Variants in CECR2 observed in about 807,000 individuals in gnomAD.
CECR2 encodes the protein chromatin remodeling regulator CECR2.
CECR2 carries 30 observed loss-of-function variants against 154.5 expected under a neutral mutation model. The observed-to-expected ratio is 0.19, with a 90% confidence interval of 0.15 to 0.26. CECR2 has a LOEUF of 0.26. Among genes scored for constraint, CECR2 ranks in the 10% least tolerant of loss-of-function variants. CECR2 has a pLI of 1.00. For missense variants in CECR2, 1,743 were observed against 1,829.3 expected (o/e 0.95, Z 0.86); for synonymous variants, 725 against 683.7 (o/e 1.06, Z -0.94).
At chr22:17,506,556 A>G (rs891060724) in intron 7 of CECR2, among the ~76,000 whole-genome samples, 8 of 152,106 alleles carry the variant, frequency 5.3e-5, no homozygotes, top group African/African-American at 1.4e-4. Flanking sequence ...TGCTTATTTT[A>G]TATCTTTGTG....
At chr22:17,511,130 T>C (rs1413431516) in intron 7 of CECR2, among the ~76,000 whole-genome samples, 1 of 152,238 alleles carries the variant, frequency 6.6e-6, no homozygotes, top group African/African-American at 2.4e-5. Context: ...TGTTACCTTT[T>C]AGTAGTAGGT....
At chr22:17,401,168 A>G (rs940637217) in intron 1 of CECR2, among the ~76,000 whole-genome samples, 1 of 152,064 alleles carries the variant, frequency 6.6e-6, no homozygotes, top group Admixed American at 6.6e-5. Flanking sequence ...AGAGTGTTCC[A>G]GAGGTGAGGA....
intron 8 of CECR2, among the ~76,000 whole-genome samples, chr22:17,512,846 G>A (rs2055984193): frequency 6.6e-6 from 1 of 152,098 alleles, no homozygotes; most frequent in African/African-American, 2.4e-5. Flanking sequence ...GCTGATCTGT[G>A]GGGAGATGAA....
At chr22:17,468,806 C>G (rs2055074436) in intron 1 of CECR2, among the ~76,000 whole-genome samples, 2 of 152,144 alleles carry the variant, frequency 1.3e-5, no homozygotes, top group Non-Finnish European at 2.9e-5. Context: ...ATATCACAGA[C>G]TGAGTAATTT....
At position 17,553,650 on chromosome 22, in the gene CECR2, A is replaced by G. The variant is rs1040135477; in HGVS notation, c.*810A>G. Reference sequence around the variant, plus strand: ...CTCTCAGGAGACTACTAGAAGCTTCAGCCCGGAAGACAGGCTGCTCTCTCA... The same window carrying G: ...CTCTCAGGAGACTACTAGAAGCTTCGGCCCGGAAGACAGGCTGCTCTCTCA... On this transcript the variant is annotated 3_prime_UTR_variant, in exon 19 of 19. Transcript: ENST00000262608. The G allele has an allele frequency of 6.6e-6, 1 of 152,246 alleles. No individual in the cohort carries two copies. The highest frequency in any genetic ancestry group is 1.5e-5 in the Non-Finnish European group (1 of 68,048). 9.4% of individuals were successfully genotyped at this position (152,246 alleles called of 1,614,324 possible).
At chr22:17,427,566 C>T (rs568874577) in intron 1 of CECR2, among the ~76,000 whole-genome samples, 16 of 152,130 alleles carry the variant, frequency 1.1e-4, no homozygotes, top group African/African-American at 3.1e-4. Flanking sequence ...GGAGTGAAGC[C>T]GCAGACCCTT....
At chr22:17,511,008 C>T (rs894723331) in intron 7 of CECR2, among the ~76,000 whole-genome samples, 1 of 152,166 alleles carries the variant, frequency 6.6e-6, no homozygotes, top group African/African-American at 2.4e-5. Context: ...CATTTTCTAT[C>T]CTATAATTCC....
In CECR2 at chr22:17,551,967, C is replaced by T. The variant is rs985862546; in HGVS notation, c.4278-64C>T. ...GGCAGTACCCTCGTGACTACAGTGT[C>T]TTGTTTCTTCTGTCGTTAACACGTC... is the stretch of plus-strand genomic sequence containing the variant. On this transcript the variant is annotated intron_variant, in intron 17 of 18. Coordinates refer to ENST00000262608, the MANE Select transcript of CECR2 (RefSeq NM_001290047.2). 1.5e-5 allele frequency: 23 copies of T among 1,495,216 alleles called. No homozygotes were observed. In the Middle Eastern group the frequency reaches 5.1e-4, roughly 33 times the overall value. 92.6% of individuals were successfully genotyped at this position (1,495,216 alleles called of 1,614,324 possible).
intron 8 of CECR2, among the ~76,000 whole-genome samples, chr22:17,516,768 AT>A (rs2056064224): frequency 6.8e-6 from 1 of 147,478 alleles, no homozygotes; most frequent in Non-Finnish European, 1.5e-5. Flanking sequence ...CTAATTTTGT[AT>A]TTTTAGTAGA....
rs371779588 is a variant in CECR2, at chr22:17,548,441, C to G, written c.3154C>G (p.Leu1052Val). The G allele has an allele frequency of 7.4e-6, 12 of 1,613,876 alleles. No individual in the cohort carries two copies. The highest frequency in any genetic ancestry group is 2.2e-5 in the East Asian group (1 of 44,896). Reference sequence around the variant, plus strand: ...CTCCACGGTGGCAGACAGGGGCGCTCTATCCGAGAACGGAGTCATTGGGGA... The same window carrying G: ...CTCCACGGTGGCAGACAGGGGCGCTGTATCCGAGAACGGAGTCATTGGGGA... ...DLSTVADRGALSENGVIGEAS... is the reference protein window; with the variant it reads ...DLSTVADRGAVSENGVIGEAS... Residue 1052 changes from leucine to valine, a missense_variant, in exon 17 of 19, where the codon CTA (leucine) becomes GTA (valine). By Grantham distance (32) the Leu-to-Val change is conservative. Around this residue, in one of 4 missense-constraint regions of CECR2, gnomAD observed 1,250 missense variants for 1,192.1 expected, o/e 1.05. Coordinates refer to ENST00000262608, the MANE Select transcript of CECR2 (RefSeq NM_001290047.2).
intron 1 of CECR2, among the ~76,000 whole-genome samples, chr22:17,472,081 C>T (rs1569104116): frequency 6.6e-6 from 1 of 152,152 alleles, no homozygotes; most frequent in Non-Finnish European, 1.5e-5. Context: ...CTGTTTGATG[C>T]AAGGCTGAGA....
At chr22:17,456,220 G>A (rs1358514537) in intron 1 of CECR2, among the ~76,000 whole-genome samples, 1 of 152,010 alleles carries the variant, frequency 6.6e-6, no homozygotes, top group Admixed American at 6.6e-5. Flanking sequence ...GTATAGTTGA[G>A]TTTGCTTTTG....
chr22:17,512,391 A>G (rs2055972869), intron 8 of CECR2, among the ~76,000 whole-genome samples: 1 of 151,946 alleles, frequency 6.6e-6, no homozygotes, highest in South Asian at 2.1e-4. Context: ...TGATATAAAT[A>G]TATATGGTCA....
intron 1 of CECR2, among the ~76,000 whole-genome samples, chr22:17,436,092 GGGAC>G (rs1203522086): frequency 6.6e-6 from 1 of 152,114 alleles, no homozygotes; most frequent in Admixed American, 6.6e-5. Flanking sequence ...CTGGGTGGCT[GGGAC>G]TACAGGTGCG....
At chr22:17,544,228 G>A (rs2056574702) in intron 16 of CECR2, among the ~76,000 whole-genome samples, 1 of 152,136 alleles carries the variant, frequency 6.6e-6, no homozygotes, top group African/African-American at 2.4e-5. Flanking sequence ...GCCAGGCGCG[G>A]TGGCTGACGC....
In CECR2 at chr22:17,554,121, ATTACT is replaced by A. The variant is rs1001432129; in HGVS notation, c.*1285_*1289del. ...ATAGGAAACCATTTTACAGTATTAAATTACTTTATTACAGTTGTAGAGTTGAATTA... is the reference window on the plus strand; with the variant it reads ...ATAGGAAACCATTTTACAGTATTAAATTATTACAGTTGTAGAGTTGAATTA... On this transcript the variant is annotated 3_prime_UTR_variant, in exon 19 of 19. Transcript: ENST00000262608. 4 of 152,292 alleles carry A rather than the reference ATTACT, an allele frequency of 2.6e-5. No individual in the cohort carries two copies. Among genetic ancestry groups the A allele is most frequent in the Non-Finnish European group, 5.9e-5 (4 of 68,014 alleles). The allele number at this position is 152,292 out of a possible 1,614,324, so 9.4% of individuals were successfully genotyped here. A position where few individuals can be genotyped will look rare whatever the true frequency, so the allele number is the denominator to read the frequency against.
At chr22:17,546,714 C>T (rs1341737414) in intron 16 of CECR2, among the ~76,000 whole-genome samples, 1 of 151,932 alleles carries the variant, frequency 6.6e-6, no homozygotes, top group South Asian at 2.1e-4. Context: ...TTCATCACAC[C>T]TGGACAACTG....
chr22:17,510,983 A>G (rs1000330863), intron 7 of CECR2, among the ~76,000 whole-genome samples: 1 of 152,098 alleles, frequency 6.6e-6, no homozygotes, highest in African/African-American at 2.4e-5. Flanking sequence ...AGTTGTATAA[A>G]CCACCCCTTC....
Position 17,554,963 on chromosome 22 carries a change from T to C in CECR2, c.*2123T>C, listed in dbSNP as rs1289393418. 6.6e-6 allele frequency: 1 copy of C among 152,278 alleles called. No homozygotes were observed. The highest frequency in any genetic ancestry group is 2.4e-5 in the African/African-American group (1 of 41,468). 9.4% of individuals were successfully genotyped at this position (152,278 alleles called of 1,614,324 possible). On this transcript the variant is annotated 3_prime_UTR_variant, in exon 19 of 19. Coordinates refer to ENST00000262608, the MANE Select transcript of CECR2 (RefSeq NM_001290047.2). Reference sequence around the variant, plus strand: ...CCAGAGAATTTGGCCACTGACAGCCTTTCTCTTTTCCTGGTAATGCTGGTT... The same window carrying C: ...CCAGAGAATTTGGCCACTGACAGCCCTTCTCTTTTCCTGGTAATGCTGGTT...
Sources: gnomAD v4.1 joint callset for allele counts (sites outside exome capture counted in the v4.1 genomes callset) on GRCh38, gnomAD v4.1.1 for gene constraint, gnomAD v4.1.1 regional missense constraint, MANE v1.5 for transcripts, NCBI Gene and HGNC (gene_info 2026-07-23, HGNC 2026-07-21) for gene names.